NEBL: variants seen among roughly 807,000 people sequenced by gnomAD.
NEBL encodes nebulette, also known as LIM and SH3 protein 2.
Under a neutral mutation model 140.2 loss-of-function variants are expected in NEBL, and 122 were observed. That is an observed-to-expected ratio of 0.87 (90% CI 0.75 to 1.01). The LOEUF is 1.01. Among genes scored for constraint, NEBL ranks in the 50% least tolerant of loss-of-function variants. The pLI is 0.00. For missense variants in NEBL, 1,365 were observed against 1,231.3 expected (o/e 1.11, Z -1.62); for synonymous variants, 436 against 398.9 (o/e 1.09, Z -1.11).
intron 2 of NEBL, among the ~76,000 whole-genome samples, chr10:21,170,896 T>C (rs939796306): frequency 6.6e-6 from 1 of 152,136 alleles, no homozygotes; most frequent in African/African-American, 2.4e-5. Flanking sequence ...GGGCCCTCCA[T>C]CTCTAGGAGA....
chr10:21,283,925 T>C (rs971015), intron 1 of NEBL, among the ~76,000 whole-genome samples: 104,306 of 150,940 alleles, frequency 0.69, 36,870 homozygotes, highest in East Asian at 0.97. Flanking sequence ...CAGTCGGGCA[T>C]GGTGGCTCAA....
intron 5 of NEBL, among the ~76,000 whole-genome samples, chr10:20,878,403 A>G (rs1845707755): frequency 6.6e-6 from 1 of 152,232 alleles, no homozygotes; most frequent in Admixed American, 6.5e-5. Flanking sequence ...GCCATAGTGC[A>G]AAGTGACAGT....
exon 1 of NEBL, chr10:21,174,116 G>T: frequency 1.3e-6 from 1 of 790,696 alleles, no homozygotes; most frequent in South Asian, 5.8e-5. Flanking sequence ...AGGTACGGGT[G>T]ACTCACACAG....
intron 4 of NEBL, among the ~76,000 whole-genome samples, chr10:20,946,268 A>T (rs1369135979): frequency 6.6e-6 from 1 of 152,218 alleles, no homozygotes; most frequent in Admixed American, 6.5e-5. Flanking sequence ...GGATTTTCAA[A>T]TAATCTTTTC....
Position 20,840,809 on chromosome 10 carries a change from T to C in NEBL, c.1268A>G (p.Lys423Arg). ...AACTTCTGAATTAAGTTCCATTCCT[T>C]TCCCTTTTATCTCATTTTCCAAATC... ...KKDLENEIKG[K>R]GMELNSEVLD... The change falls in exon 13 of 28, where the codon AAA becomes AGA. Residue 423 changes from lysine to arginine, a missense_variant. This residue lies in a region of NEBL where 1,323 missense variants were observed against 1,154.8 expected (regional missense o/e 1.15). Transcript: ENST00000377122. 1.2e-6 allele frequency: 2 copies of C among 1,610,044 alleles called. No individual in the cohort carries two copies. Among genetic ancestry groups the C allele is most frequent in the Non-Finnish European group, 1.7e-6 (2 of 1,177,106 alleles).
intron 2 of NEBL, among the ~76,000 whole-genome samples, chr10:21,063,041 A>C (rs955025660): frequency 6.6e-6 from 1 of 152,144 alleles, no homozygotes; most frequent in Non-Finnish European, 1.5e-5. Context: ...TAAAGGTTGC[A>C]GGGGTTGGGG....
chr10:21,182,222 A>C lies in NEBL; in HGVS notation n.349-9745T>G, dbSNP rs564611080. Among the ~76,000 whole-genome samples, 33 of 151,478 alleles carry C rather than the reference A, an allele frequency of 2.2e-4. 2 individuals are homozygous for C. Among genetic ancestry groups the C allele is most frequent in the African/African-American group, 8.0e-4 (33 of 41,212 alleles). On this transcript the variant is annotated intron_variant and non_coding_transcript_variant, in intron 3 of 8. Coordinates refer to the NEBL transcript ENST00000675702. ...CACGGTGGCTCACACCTGTAATCCC[A>C]GCACTTTAGAAAGCTGAGGCCAGAG...
chr10:21,172,718 C>T (rs892824326), intron 1 of NEBL, among the ~76,000 whole-genome samples: 1 of 152,138 alleles, frequency 6.6e-6, no homozygotes, highest in Non-Finnish European at 1.5e-5. Flanking sequence ...CATGGACGAA[C>T]TGTCAAGGTT....
intron 4 of NEBL, among the ~76,000 whole-genome samples, chr10:20,951,709 C>G (rs569894623): frequency 6.6e-6 from 1 of 152,012 alleles, no homozygotes; most frequent in Non-Finnish European, 1.5e-5. Flanking sequence ...ATTATATGGC[C>G]TAATTATTAA....
chr10:21,231,531 T>C (rs1273852241), intron 3 of NEBL, among the ~76,000 whole-genome samples: 1 of 151,018 alleles, frequency 6.6e-6, no homozygotes. Context: ...AGAGCGAGAC[T>C]CTGTCTCAAA....
chr10:20,818,436 A>G (rs978491862), intron 20 of NEBL, among the ~76,000 whole-genome samples: 2 of 152,200 alleles, frequency 1.3e-5, no homozygotes, highest in African/African-American at 2.4e-5. Context: ...GGCCCAGCAC[A>G]GAGTAGCGCT....
intron 4 of NEBL, among the ~76,000 whole-genome samples, chr10:20,906,096 T>C (rs543790191): frequency 7.2e-5 from 11 of 152,318 alleles, no homozygotes; most frequent in African/African-American, 2.6e-4. Flanking sequence ...GATTTATGAA[T>C]CTTTGGAAGA....
rs112634254 is a variant in NEBL at position 20,880,242 on chromosome 10, T to C, written c.480+552A>G. ...CCGGTGTGGTGGTGGGCACCTGTAATCCCAGCTACTCGGGAGGCTGAGGCA... is the reference window on the plus strand; with the variant it reads ...CCGGTGTGGTGGTGGGCACCTGTAACCCCAGCTACTCGGGAGGCTGAGGCA... On this transcript the variant is annotated intron_variant, in intron 5 of 27. Transcript: ENST00000377122. Among the ~76,000 whole-genome samples, 955 of 152,178 alleles carry C rather than the reference T, an allele frequency of 6.3e-3. 10 individuals carry two copies. Among genetic ancestry groups the C allele is most frequent in the African/African-American group, 0.022 (927 of 41,486 alleles).
chr10:20,808,711 A>G (rs1564342324), intron 25 of NEBL, 52 bp from the exon 26 acceptor site: 1 of 1,542,584 alleles, frequency 6.5e-7, no homozygotes, highest in South Asian at 1.1e-5. Flanking sequence ...TCGAAAAACA[A>G]AATCAACAAA....
At chr10:20,858,477 C>G (rs1843325072) in intron 8 of NEBL, 133 bp from the exon 9 acceptor site, 1 of 751,044 alleles carries the variant, frequency 1.3e-6, no homozygotes, top group Non-Finnish European at 2.3e-6. Flanking sequence ...CAAGGAGCCA[C>G]TAGATGGTGC....
intron 1 of NEBL, among the ~76,000 whole-genome samples, chr10:21,273,447 T>C (rs1165283148): frequency 6.6e-6 from 1 of 152,168 alleles, no homozygotes; most frequent in Non-Finnish European, 1.5e-5. Context: ...TTCCTCCCAC[T>C]GAAGCTAGAC....
chr10:21,230,692 C>T (rs551103241), intron 3 of NEBL, among the ~76,000 whole-genome samples: 1 of 151,798 alleles, frequency 6.6e-6, no homozygotes, highest in East Asian at 1.9e-4. Context: ...GCAACCTCCG[C>T]CCCCTGGGTT....
intron 4 of NEBL, among the ~76,000 whole-genome samples, chr10:20,939,421 G>A (rs1357504449): frequency 1.1e-4 from 17 of 152,092 alleles, no homozygotes; most frequent in Non-Finnish European, 2.1e-4. Flanking sequence ...CCCTAAAAGA[G>A]CTCCTGAAGG....
chr10:20,827,595 A>G (rs1448875491), intron 17 of NEBL, among the ~76,000 whole-genome samples: 1 of 152,220 alleles, frequency 6.6e-6, no homozygotes, highest in Non-Finnish European at 1.5e-5. Context: ...TCAAGTTTAT[A>G]CATTTATTAA....
Sources: gnomAD v4.1 joint callset for allele counts (sites outside exome capture counted in the v4.1 genomes callset) on GRCh38, gnomAD v4.1.1 for gene constraint, gnomAD v4.1.1 regional missense constraint, MANE v1.5 for transcripts, NCBI Gene and HGNC (gene_info 2026-07-23, HGNC 2026-07-21) for gene names.